RHOBTB1: variants seen among roughly 807,000 people sequenced by gnomAD.
The protein encoded by RHOBTB1 is rho-related BTB domain-containing protein 1.
A neutral mutation model predicts 71.6 loss-of-function variants in RHOBTB1; 40 were observed. The observed-to-expected ratio is 0.56, with a 90% CI of 0.43 to 0.73. RHOBTB1 has a LOEUF of 0.73. Ranked by LOEUF, RHOBTB1 falls within the 30% of genes least tolerant of loss-of-function variation. RHOBTB1 has a pLI of 0.00. For missense variants in RHOBTB1, 797 were observed against 894.0 expected, an observed-to-expected ratio of 0.89 and a Z score of 1.38; for synonymous variants, 319 against 334.9, an observed-to-expected ratio of 0.95 and a Z score of 0.52.
chr10:60,879,620 C>T (rs1449715294), intron 7 of RHOBTB1, among the ~76,000 whole-genome samples: 4 of 152,078 alleles, frequency 2.6e-5, no homozygotes, highest in Non-Finnish European at 5.9e-5. Context: ...GCTGGGATTA[C>T]AGGCATGAGC....
downstream of RHOBTB1, among the ~76,000 whole-genome samples, chr10:60,864,596 A>T (rs955884564): frequency 6.6e-6 from 1 of 152,206 alleles, no homozygotes; most frequent in Non-Finnish European, 1.5e-5. Context: ...GAAAGTTCAC[A>T]TTAATTTTTC....
At chr10:60,924,125 A>T (rs548793548) in intron 2 of RHOBTB1, among the ~76,000 whole-genome samples, 15 of 152,348 alleles carry the variant, frequency 9.8e-5, no homozygotes, top group African/African-American at 3.6e-4. Flanking sequence ...TTTCAGTAAA[A>T]TGTTTACATA....
intron 8 of RHOBTB1, among the ~76,000 whole-genome samples, chr10:60,875,676 C>A (rs2081018147): frequency 6.6e-6 from 1 of 152,254 alleles, no homozygotes; most frequent in Admixed American, 6.5e-5. Flanking sequence ...TCTGTCTCAA[C>A]AGCTACAGAT....
chr10:60,865,913 C>A (rs769651187), downstream of RHOBTB1, among the ~76,000 whole-genome samples: 55 of 152,160 alleles, frequency 3.6e-4, no homozygotes, highest in Non-Finnish European at 7.2e-4. Context: ...CTTACTGCAA[C>A]CTCTGCCTCC....
chr10:60,964,099 TA>T (rs1413511988), intron 2 of RHOBTB1, among the ~76,000 whole-genome samples: 1 of 152,052 alleles, frequency 6.6e-6, no homozygotes, highest in Non-Finnish European at 1.5e-5. Context: ...CATGCAAACA[TA>T]AAATATAATC....
At chr10:60,908,022 A>C (rs1445915762) in intron 4 of RHOBTB1, among the ~76,000 whole-genome samples, 2 of 152,352 alleles carry the variant, frequency 1.3e-5, no homozygotes, top group South Asian at 2.1e-4. Context: ...TAGGCTTTTG[A>C]AAAATTGGAG....
upstream of RHOBTB1, chr10:61,001,587 G>A (rs991643685): frequency 4.1e-4 from 62 of 152,166 alleles, no homozygotes; most frequent in African/African-American, 1.4e-3. Context: ...CTCGCTCCCG[G>A]CCCGGCAGCC....
chr10:60,905,828 A>G (rs1217252014), intron 4 of RHOBTB1, among the ~76,000 whole-genome samples: 1 of 152,056 alleles, frequency 6.6e-6, no homozygotes, highest in Non-Finnish European at 1.5e-5. Flanking sequence ...ATCTAGACAC[A>G]CTCACTGATC....
At chr10:60,994,098 A>G (rs2134998984) in intron 1 of RHOBTB1, among the ~76,000 whole-genome samples, 1 of 152,272 alleles carries the variant, frequency 6.6e-6, no homozygotes, top group South Asian at 2.1e-4. Flanking sequence ...ATGTGTTAGG[A>G]TAACACTAAA....
chr10:60,866,778 C>A (rs1037743790), downstream of RHOBTB1, among the ~76,000 whole-genome samples: 3 of 151,908 alleles, frequency 2.0e-5, no homozygotes, highest in African/African-American at 7.3e-5. Flanking sequence ...TCCCTCCAGC[C>A]CATTATTATT....
At chr10:60,892,349 C>T (rs191549462) in intron 5 of RHOBTB1, among the ~76,000 whole-genome samples, 1 of 152,258 alleles carries the variant, frequency 6.6e-6, no homozygotes, top group East Asian at 1.9e-4. Flanking sequence ...GAATGAAATA[C>T]TGTAACAGGT....
At chr10:60,863,259 A>G in the RHOBTB1 span, among the ~76,000 whole-genome samples, 1 of 152,218 alleles carries the variant, frequency 6.6e-6, no homozygotes, top group African/African-American at 2.4e-5. Context: ...CCTTATGTAC[A>G]TTATTTGGGG....
intron 5 of RHOBTB1, among the ~76,000 whole-genome samples, chr10:60,890,267 C>T (rs2132685509): frequency 6.6e-6 from 1 of 152,136 alleles, no homozygotes; most frequent in South Asian, 2.1e-4. Flanking sequence ...TGGACTGGTG[C>T]ATTAGCCCCT....
chr10:60,943,386 C>T (rs1443405073), intron 1 of RHOBTB1, among the ~76,000 whole-genome samples: 1 of 152,188 alleles, frequency 6.6e-6, no homozygotes. Context: ...GTTGTTTTCC[C>T]CAAAGCTGAG....
At chr10:60,937,719 G>A (rs973187256) in intron 2 of RHOBTB1, among the ~76,000 whole-genome samples, 7 of 152,130 alleles carry the variant, frequency 4.6e-5, no homozygotes, top group South Asian at 2.1e-4. Flanking sequence ...GAGACCACTC[G>A]GCCTGTTGTG....
intron 2 of RHOBTB1, among the ~76,000 whole-genome samples, chr10:60,921,822 G>A (rs1023380483): frequency 2.6e-5 from 4 of 152,176 alleles, no homozygotes; most frequent in African/African-American, 7.2e-5. Flanking sequence ...AACACCTTGA[G>A]GGACATCTGT....
chr10:60,998,475 AAATAAGAGACTTCGGTTTGT>A (rs1365150455), intron 1 of RHOBTB1, among the ~76,000 whole-genome samples: 1 of 152,216 alleles, frequency 6.6e-6, no homozygotes, highest in African/African-American at 2.4e-5. Flanking sequence ...AAACAAATAT[AAATAAGAGACTTCGGTTTGT>A]AATCGGCTCC....
At chr10:60,893,045 T>C (rs2081998047) in intron 4 of RHOBTB1, 50 bp from the exon 5 acceptor site, 2 of 1,429,070 alleles carry the variant, frequency 1.4e-6, no homozygotes, top group Non-Finnish European at 9.6e-7. Context: ...ACAGGTTTTT[T>C]CTTTTACCAT....
intron 6 of RHOBTB1, among the ~76,000 whole-genome samples, chr10:60,886,721 G>GC (rs1564800047): frequency 7.1e-6 from 1 of 141,598 alleles, no homozygotes; most frequent in South Asian, 2.4e-4. Context: ...GAGATGTGGG[G>GC]GGGGGTGGGT....
Sources: allele counts gnomAD v4.1 joint callset (sites outside exome capture counted in the v4.1 genomes callset), GRCh38; gene constraint gnomAD v4.1.1; transcripts MANE v1.5; gene names NCBI Gene and HGNC (gene_info 2026-07-23, HGNC 2026-07-21).